GALNT13: variants seen among roughly 807,000 people sequenced by gnomAD.
The protein encoded by GALNT13 is polypeptide N-acetylgalactosaminyltransferase 13, also known as UDP-GalNAc:polypeptide N-acetylgalactosaminyltransferase 13.
Under a neutral mutation model 64.2 loss-of-function variants are expected in GALNT13, and 28 were observed. That is an observed-to-expected ratio of 0.44 (90% CI 0.32 to 0.60). GALNT13 has a LOEUF of 0.60. GALNT13 is among the 20% of genes least tolerant of loss of function. The pLI is 0.05. For missense variants in GALNT13, 577 were observed against 669.8 expected, an observed-to-expected ratio of 0.86 and a Z score of 1.53; for synonymous variants, 214 against 224.6, an observed-to-expected ratio of 0.95 and a Z score of 0.42.
rs1184884903 is a variant in GALNT13 at position 154,090,472 on chromosome 2, A to G, written c.143-49865A>G. Among the ~76,000 whole-genome samples, 8 of 152,210 alleles carry G rather than the reference A, an allele frequency of 5.3e-5. No individual in the cohort carries two copies. In the East Asian group the frequency reaches 1.4e-3, roughly 26 times the overall value. On this transcript the variant is annotated intron_variant, in intron 3 of 12. Coordinates refer to ENST00000392825, the MANE Select transcript of GALNT13 (RefSeq NM_052917.4). ...TTCATAAATGTAAGCCCAAAATATC[A>G]GCACAAAAGAAATGTCAAACTTGAT...
chr2:153,908,760 T>C (rs1364514301), intron 2 of GALNT13, among the ~76,000 whole-genome samples: 1 of 146,478 alleles, frequency 6.8e-6, no homozygotes, highest in Non-Finnish European at 1.5e-5. Flanking sequence ...TATGTCTGCC[T>C]TTGTACCAGT....
the GALNT13 span, among the ~76,000 whole-genome samples, chr2:153,237,566 G>A: frequency 6.6e-6 from 1 of 151,954 alleles, no homozygotes. Flanking sequence ...ACCAATAATT[G>A]AGAACATGCA....
chr2:153,228,200 G>A, the GALNT13 span, among the ~76,000 whole-genome samples: 2,323 of 152,244 alleles, frequency 0.015, 175 homozygotes, highest in Admixed American at 0.13. Flanking sequence ...TCCGTGCTCT[G>A]ATTATTAAAG....
the GALNT13 span, among the ~76,000 whole-genome samples, chr2:153,403,605 G>A: frequency 6.6e-6 from 1 of 152,212 alleles, no homozygotes; most frequent in African/African-American, 2.4e-5. Context: ...GACCCTCCGA[G>A]CCAGGTGCAG....
At chr2:153,808,491 G>C in the GALNT13 span, among the ~76,000 whole-genome samples, 4 of 151,896 alleles carry the variant, frequency 2.6e-5, no homozygotes, top group African/African-American at 9.7e-5. Context: ...TAATCTCCAG[G>C]GTTCTCCCCT....
intron 3 of GALNT13, among the ~76,000 whole-genome samples, chr2:153,979,784 G>A (rs1214048143): frequency 3.3e-5 from 5 of 152,148 alleles, no homozygotes; most frequent in South Asian, 2.1e-4. Flanking sequence ...CAGCATCTAC[G>A]TGAGGCTGAT....
chr2:153,144,006 G>A, the GALNT13 span, among the ~76,000 whole-genome samples: 1 of 151,922 alleles, frequency 6.6e-6, no homozygotes, highest in African/African-American at 2.4e-5. Context: ...ACATGAATGC[G>A]TACGAAATAC....
chr2:153,989,201 A>G (rs1421919013), intron 3 of GALNT13, among the ~76,000 whole-genome samples: 2 of 152,108 alleles, frequency 1.3e-5, no homozygotes, highest in East Asian at 1.9e-4. Flanking sequence ...CTTGTTAAAC[A>G]TGCATTAACT....
At chr2:153,346,534 A>C in the GALNT13 span, among the ~76,000 whole-genome samples, 1 of 152,144 alleles carries the variant, frequency 6.6e-6, no homozygotes, top group Admixed American at 6.5e-5. Flanking sequence ...TTTTAATGAA[A>C]GATTCTCTTG....
chr2:153,183,441 T>C, the GALNT13 span, among the ~76,000 whole-genome samples: 4 of 152,224 alleles, frequency 2.6e-5, no homozygotes, highest in Non-Finnish European at 5.9e-5. Context: ...ATTCTGATAG[T>C]TTCTTTTGCT....
chr2:153,867,119 A>G (rs1574005782), upstream of GALNT13, among the ~76,000 whole-genome samples: 1 of 152,196 alleles, frequency 6.6e-6, no homozygotes, highest in East Asian at 1.9e-4. Flanking sequence ...TATGAAATAG[A>G]ATTACTTAAT....
chr2:153,334,710 A>G, the GALNT13 span, among the ~76,000 whole-genome samples: 1 of 152,198 alleles, frequency 6.6e-6, no homozygotes, highest in African/African-American at 2.4e-5. Context: ...GTAACTTGAC[A>G]TGTTATAAAA....
intron 3 of GALNT13, among the ~76,000 whole-genome samples, chr2:154,096,334 G>A (rs1519197): frequency 0.55 from 83,764 of 151,738 alleles, 24,336 homozygotes; most frequent in East Asian, 0.85. Flanking sequence ...GTGTGGAGAA[G>A]GGAGACAAAT....
intron 3 of GALNT13, among the ~76,000 whole-genome samples, chr2:154,092,384 A>G (rs370778533): frequency 1.5e-4 from 23 of 152,034 alleles, no homozygotes; most frequent in Non-Finnish European, 3.2e-4. Context: ...TGGCTCTGTC[A>G]TTTTTGAAGG....
At chr2:153,669,958 TG>T in the GALNT13 span, among the ~76,000 whole-genome samples, 1 of 52,288 alleles carries the variant, frequency 1.9e-5, no homozygotes, top group East Asian at 6.2e-4. Context: ...CACTGGAACT[TG>T]GGGAGGGGGG....
intron 9 of GALNT13, among the ~76,000 whole-genome samples, chr2:154,367,835 G>A (rs1697457499): frequency 6.6e-6 from 1 of 152,122 alleles, no homozygotes; most frequent in African/African-American, 2.4e-5. Context: ...ATTCTCTGAA[G>A]CAGAATAATT....
the GALNT13 span, among the ~76,000 whole-genome samples, chr2:153,743,350 A>G: frequency 6.6e-6 from 1 of 152,134 alleles, no homozygotes; most frequent in Non-Finnish European, 1.5e-5. Flanking sequence ...TAGTACTGCA[A>G]TGAACGTGGA....
At chr2:153,970,935 C>G (rs1386046438) in intron 3 of GALNT13, among the ~76,000 whole-genome samples, 1 of 152,134 alleles carries the variant, frequency 6.6e-6, no homozygotes, top group Non-Finnish European at 1.5e-5. Flanking sequence ...TGCTAGCTCC[C>G]CAATACTCAG....
the GALNT13 span, among the ~76,000 whole-genome samples, chr2:153,181,280 G>C: frequency 6.7e-6 from 1 of 150,070 alleles, no homozygotes; most frequent in Non-Finnish European, 1.5e-5. Flanking sequence ...TCAGGAGTAC[G>C]TTTTAAAATC....
Sources: allele counts gnomAD v4.1 joint callset (sites outside exome capture counted in the v4.1 genomes callset), GRCh38; gene constraint gnomAD v4.1.1; transcripts MANE v1.5; gene names NCBI Gene and HGNC (gene_info 2026-07-23, HGNC 2026-07-21).